Variants in NOS1 observed in about 807,000 individuals in gnomAD.
The protein encoded by NOS1 is NOS type I.
Under a neutral mutation model 164.5 loss-of-function variants are expected in NOS1, and 51 were observed. The observed-to-expected ratio is 0.31, with a 90% CI of 0.25 to 0.39. The LOEUF is 0.39. Among genes scored for constraint, NOS1 ranks in the 10% least tolerant of loss-of-function variants. The pLI, the probability that NOS1 is intolerant of heterozygous loss-of-function variation, is 1.00. For synonymous variants in NOS1, 719 were observed against 745.8 expected (o/e 0.96, Z 0.59); for missense variants, 1,362 against 1,885.6 (o/e 0.72, Z 5.14).
chr12:117,211,604 C>T lies in NOS1; in HGVS notation c.*3705G>A, dbSNP rs1014128220. On this transcript the variant is annotated 3_prime_UTR_variant, in exon 29 of 29. Transcript: ENST00000317775. ...CCTTTTCTCACCCTCCTCAGCCTTCCAAAGCCAGCCTCAATTTATCTTACA... is the reference window on the plus strand; with the variant it reads ...CCTTTTCTCACCCTCCTCAGCCTTCTAAAGCCAGCCTCAATTTATCTTACA... 7 of 985,526 alleles carry T rather than the reference C, an allele frequency of 7.1e-6. No individual in the cohort carries two copies. The highest frequency in any genetic ancestry group is 8.4e-6 in the Non-Finnish European group (7 of 830,072). The allele number at this position is 985,526 out of a possible 1,614,324, so 61.0% of individuals were successfully genotyped here. A position where few individuals can be genotyped will look rare whatever the true frequency, so the allele number is the denominator to read the frequency against.
chr12:117,252,444 G>T (rs1871171647), intron 17 of NOS1, among the ~76,000 whole-genome samples: 1 of 152,170 alleles, frequency 6.6e-6, no homozygotes, highest in African/African-American at 2.4e-5. Context: ...GGAAAAATGG[G>T]TCTGACTGTC....
intron 9 of NOS1, among the ~76,000 whole-genome samples, chr12:117,275,648 T>C (rs1048083861): frequency 3.3e-5 from 5 of 152,156 alleles, no homozygotes; most frequent in African/African-American, 1.2e-4. Context: ...GAAAGGATAG[T>C]GAATGTTTCC....
intron 7 of NOS1, among the ~76,000 whole-genome samples, chr12:117,281,449 G>A (rs915833145): frequency 1.4e-5 from 2 of 147,070 alleles, no homozygotes; most frequent in East Asian, 4.0e-4. Flanking sequence ...GAACCTGGGA[G>A]GCAGAGGTTT....
At chr12:117,229,206 T>C (rs898070732) in intron 22 of NOS1, among the ~76,000 whole-genome samples, 2 of 152,218 alleles carry the variant, frequency 1.3e-5, no homozygotes. Flanking sequence ...TCTTTGAAAC[T>C]GACATCACCT....
chr12:117,241,305 T>C (rs1353694099), intron 20 of NOS1, among the ~76,000 whole-genome samples: 1 of 151,968 alleles, frequency 6.6e-6, no homozygotes, highest in Non-Finnish European at 1.5e-5. Flanking sequence ...TTTTTCACTT[T>C]GTAGTTATAG....
In NOS1 at chr12:117,330,485, G is replaced by T; in HGVS notation, c.585C>A (p.Ser195Arg). ...CATTGTTCTCCCCTCTGCCTTGGAG[G>T]CTGACTCTGGTTGCTTTCTTCGCGG... is the stretch of plus-strand genomic sequence containing the variant. Reference protein sequence around the residue: ...QDPAKKATRVSLQGRGENNEL... With the variant: ...QDPAKKATRVRLQGRGENNEL... The change falls in exon 2 of 29, where the codon AGC becomes AGA. Residue 195 changes from serine (S) to arginine (R), a missense_variant. Physicochemically the swap from Ser to Arg is moderately radical, Grantham distance 110. Transcript: ENST00000317775. This position sits in a 1 kb window ranked among gnomAD's most constrained non-coding sequence, Gnocchi z 4.6. The T allele has an allele frequency of 6.2e-7, 1 of 1,614,186 alleles. No individual in the cohort carries two copies. Among genetic ancestry groups the T allele is most frequent in the Non-Finnish European group, 8.5e-7 (1 of 1,180,052 alleles).
At chr12:117,350,841 C>T (rs1267415646) in intron 1 of NOS1, among the ~76,000 whole-genome samples, 2 of 152,156 alleles carry the variant, frequency 1.3e-5, no homozygotes, top group Non-Finnish European at 2.9e-5. Context: ...TGGCCGGGTG[C>T]GGTGGCTCAA....
intron 1 of NOS1, among the ~76,000 whole-genome samples, chr12:117,354,920 C>T (rs1876791017): frequency 6.6e-6 from 1 of 152,190 alleles, no homozygotes; most frequent in Non-Finnish European, 1.5e-5. Flanking sequence ...CGGTTGTACA[C>T]GGATACTATC....
intron 2 of NOS1, among the ~76,000 whole-genome samples, chr12:117,319,269 T>C (rs1486485169): frequency 6.6e-6 from 1 of 152,074 alleles, no homozygotes; most frequent in Non-Finnish European, 1.5e-5. Flanking sequence ...CCCAGGCTGG[T>C]TTTAAACTCC....
chr12:117,234,635 C>T lies in NOS1; in HGVS notation c.3165G>A (p.Arg1055=). The T allele has an allele frequency of 6.2e-7, 1 of 1,614,180 alleles. No homozygotes were observed. Among genetic ancestry groups the T allele is most frequent in the Admixed American group, 1.7e-5 (1 of 60,016 alleles). Residue 1055 remains arginine, a synonymous_variant, in exon 21 of 29, where the codon CGG becomes CGA. Transcript: ENST00000317775. The surrounding 1 kb of genome is among the most constrained non-coding windows in gnomAD (Gnocchi z 4.3). ...HEDLVNALIE[R]LEDAPPVNQM... is the part of the protein sequence containing the mutation. Reference sequence around the variant, plus strand: ...GGTTGACAGGCGGCGCGTCCTCCAGCCGCTCGATCAGGGCATTCACGAGGT... The same window carrying T: ...GGTTGACAGGCGGCGCGTCCTCCAGTCGCTCGATCAGGGCATTCACGAGGT...
At chr12:117,328,610 G>C (rs576128916) in intron 2 of NOS1, among the ~76,000 whole-genome samples, 3 of 151,804 alleles carry the variant, frequency 2.0e-5, no homozygotes, top group Admixed American at 1.3e-4. Context: ...TTTTGCCTAG[G>C]CTGAAGTGTA....
intron 19 of NOS1, 64 bp from the exon 20 acceptor site, chr12:117,242,769 G>T (rs1303965527): frequency 6.8e-7 from 1 of 1,474,428 alleles, no homozygotes; most frequent in Non-Finnish European, 9.5e-7. Context: ...AAACTCCCCA[G>T]GTGGGGCAAC....
At position 117,254,211 on chromosome 12, in the gene NOS1, G is replaced by T. The variant is rs9658440; in HGVS notation, c.2532-457C>A. On this transcript the variant is annotated intron_variant, in intron 16 of 28. Coordinates refer to ENST00000317775, the MANE Select transcript of NOS1 (RefSeq NM_000620.5). ...CAACCTCTGCCTCCTGGGTTCAAGT[G>T]ATTCTCCTGCTTCAGCCTCCCAAGT... 7.1e-4 allele frequency among the ~76,000 whole-genome samples: 108 copies of T among 152,270 alleles called. 3 individuals are homozygous for T. In the South Asian group the frequency reaches 0.02, roughly 29 times the overall value.
rs186518042 is a variant in NOS1, at chr12:117,256,986, C to T, written c.2531+1411G>A. 5.0e-4 allele frequency among the ~76,000 whole-genome samples: 76 copies of T among 152,264 alleles called. 1 individual carries two copies. The East Asian group carries it at 0.012, about 24-fold the overall frequency. On this transcript the variant is annotated intron_variant, in intron 16 of 28. Transcript: ENST00000317775. The stretch of plus-strand genomic sequence containing the variant: ...ACTCGGGAGGCTGAGGCTGCAGAGT[C>T]GCTTGAACCCAGGAGGCGGAGGTTG...
intron 7 of NOS1, among the ~76,000 whole-genome samples, chr12:117,283,800 G>A (rs1330230683): frequency 3.7e-5 from 5 of 136,286 alleles, no homozygotes; most frequent in Admixed American, 8.7e-5. Flanking sequence ...AGGTTGCAGT[G>A]AGCCAAGATT....
intron 1 of NOS1, among the ~76,000 whole-genome samples, chr12:117,351,017 T>G (rs967794249): frequency 2.0e-5 from 3 of 152,084 alleles, no homozygotes; most frequent in African/African-American, 7.2e-5. Flanking sequence ...AGGAGGCTGA[T>G]GCAGGAGAAT....
rs73405456 is a variant in NOS1, at chr12:117,310,444, G to A, written c.852+1022C>T. Among the ~76,000 whole-genome samples, 494 of 152,270 alleles carry A rather than the reference G, an allele frequency of 3.2e-3. 3 individuals carry two copies. Among genetic ancestry groups the A allele is most frequent in the African/African-American group, 0.011 (455 of 41,550 alleles). ...ATAAGATATGTTAATAAGTGAAAAA[G>A]CAAGATATAAAACAACATGTGTAAT... On this transcript the variant is annotated intron_variant, in intron 3 of 28. Transcript: ENST00000317775.
intron 3 of NOS1, among the ~76,000 whole-genome samples, chr12:117,293,649 C>T (rs1220000855): frequency 1.3e-5 from 2 of 151,458 alleles, no homozygotes; most frequent in Non-Finnish European, 2.9e-5. Flanking sequence ...ACTTGTATTA[C>T]TTGTATATTA....
Position 117,234,844 on chromosome 12 carries a change from G to T in NOS1, c.3042-86C>A. The T allele has an allele frequency of 8.8e-7, 1 of 1,141,252 alleles. No homozygotes were observed. The highest frequency in any genetic ancestry group is 1.2e-6 in the Non-Finnish European group (1 of 808,900). 70.7% of individuals were successfully genotyped at this position (1,141,252 alleles called of 1,614,324 possible). A position where few individuals can be genotyped will look rare whatever the true frequency, so the allele number is the denominator to read the frequency against. ...GCTCTTCTGTCTGTCCTTGTTGGCT[G>T]CAATTCTCCTCCTTCCATTCTTGTT... On this transcript the variant is annotated intron_variant, in intron 20 of 28. Coordinates refer to ENST00000317775, the MANE Select transcript of NOS1 (RefSeq NM_000620.5). This position sits in a 1 kb window ranked among gnomAD's most constrained non-coding sequence, Gnocchi z 4.3.
Sources: allele counts gnomAD v4.1 joint callset (sites outside exome capture counted in the v4.1 genomes callset), GRCh38; gene constraint gnomAD v4.1.1; non-coding constraint Gnocchi (gnomAD v3.1); transcripts MANE v1.5; gene names NCBI Gene and HGNC (gene_info 2026-07-23, HGNC 2026-07-21).